PAK5: variants seen among roughly 807,000 people sequenced by gnomAD.
The protein encoded by PAK5 is serine/threonine-protein kinase PAK 5.
PAK5 carries 16 observed loss-of-function variants against 65.9 expected under a neutral mutation model. That is an observed-to-expected ratio of 0.24 (90% CI 0.16 to 0.37). The LOEUF (loss-of-function observed/expected upper bound fraction) is 0.37. PAK5 is among the 10% of genes least tolerant of loss of function. The pLI, the probability that PAK5 is intolerant of heterozygous loss-of-function variation, is 1.00. For missense variants in PAK5, 785 were observed against 903.9 expected (o/e 0.87, Z 1.69); for synonymous variants, 371 against 354.9 (o/e 1.05, Z -0.51).
intron 2 of PAK5, among the ~76,000 whole-genome samples, chr20:9,706,074 T>C (rs1308988690): frequency 1.3e-5 from 2 of 152,144 alleles, no homozygotes; most frequent in Non-Finnish European, 2.9e-5. Flanking sequence ...AATCCATGAA[T>C]TGAAAATTAC....
chr20:9,769,886 A>G (rs1161202270), intron 1 of PAK5, among the ~76,000 whole-genome samples: 1 of 152,234 alleles, frequency 6.6e-6, no homozygotes, highest in African/African-American at 2.4e-5. Flanking sequence ...TTTAAAAACT[A>G]AATATGGTAC....
At chr20:9,768,697 C>T (rs1041100812) in intron 1 of PAK5, among the ~76,000 whole-genome samples, 1 of 148,686 alleles carries the variant, frequency 6.7e-6, no homozygotes, top group Non-Finnish European at 1.5e-5. Context: ...GCAAGAGAAT[C>T]GCTTGAATCC....
At chr20:9,695,175 C>G (rs1353282834) in intron 2 of PAK5, among the ~76,000 whole-genome samples, 1 of 152,036 alleles carries the variant, frequency 6.6e-6, no homozygotes, top group Non-Finnish European at 1.5e-5. Context: ...TAGATATCCT[C>G]TTTTGTGAAA....
intron 3 of PAK5, among the ~76,000 whole-genome samples, chr20:9,618,915 GTTTTTTTTTT>G (rs150725498): frequency 2.1e-4 from 4 of 18,816 alleles, no homozygotes; most frequent in South Asian, 1.9e-3. Flanking sequence ...TCTTTCTTTC[GTTTTTTTTTT>G]TTTTTTTTTT....
intron 2 of PAK5, among the ~76,000 whole-genome samples, chr20:9,671,401 C>T (rs1309127954): frequency 6.6e-6 from 1 of 152,100 alleles, no homozygotes; most frequent in Non-Finnish European, 1.5e-5. Flanking sequence ...TCTTCCTACC[C>T]ATGAGCATAG....
intron 2 of PAK5, among the ~76,000 whole-genome samples, chr20:9,683,941 G>C (rs74667090): frequency 6.6e-6 from 1 of 152,260 alleles, no homozygotes; most frequent in African/African-American, 2.4e-5. Flanking sequence ...AAATTCCCCT[G>C]ACTGATCTTA....
chr20:9,742,154 A>G (rs2048457310), intron 1 of PAK5, among the ~76,000 whole-genome samples: 1 of 152,136 alleles, frequency 6.6e-6, no homozygotes, highest in South Asian at 2.1e-4. Context: ...AGAAGATTCA[A>G]ATAAGGATCC....
intron 3 of PAK5, among the ~76,000 whole-genome samples, chr20:9,615,582 A>G (rs1357754058): frequency 2.6e-5 from 4 of 152,264 alleles, no homozygotes; most frequent in African/African-American, 4.8e-5. Flanking sequence ...TTGACTTAGA[A>G]TAAGTCCTTC....
chr20:9,607,717 T>A (rs971400445), intron 3 of PAK5, among the ~76,000 whole-genome samples: 1 of 151,976 alleles, frequency 6.6e-6, no homozygotes, highest in Non-Finnish European at 1.5e-5. Flanking sequence ...TCCCAGCTAC[T>A]CCGGAGGCTA....
In PAK5 at chr20:9,838,535, T is replaced by C. The variant is rs1389252909; in HGVS notation, c.-162+227A>G. Among the ~76,000 whole-genome samples the C allele has an allele frequency of 2.6e-5, 4 of 152,242 alleles. No homozygotes were observed. Among genetic ancestry groups the C allele is most frequent in the Admixed American group, 2.6e-4 (4 of 15,300 alleles). ...TTGGTAGAGAGCCCAGGCTGGATAGTAGCGCATGGGTTGAGGGTGGGCGGT... is the reference window on the plus strand; with the variant it reads ...TTGGTAGAGAGCCCAGGCTGGATAGCAGCGCATGGGTTGAGGGTGGGCGGT... On this transcript the variant is annotated intron_variant, in intron 1 of 9. Coordinates refer to ENST00000353224, the MANE Select transcript of PAK5 (RefSeq NM_177990.4). This position sits in a 1 kb window ranked among gnomAD's most constrained non-coding sequence, Gnocchi z 4.5.
intron 3 of PAK5, among the ~76,000 whole-genome samples, chr20:9,591,445 A>G (rs2046169272): frequency 1.3e-5 from 2 of 152,148 alleles, no homozygotes; most frequent in East Asian, 3.9e-4. Flanking sequence ...AGAATATAAA[A>G]TATTTCCAGA....
chr20:9,681,399 G>T (rs186186339), intron 2 of PAK5, among the ~76,000 whole-genome samples: 2 of 151,974 alleles, frequency 1.3e-5, no homozygotes, highest in East Asian at 3.9e-4. Flanking sequence ...TAATATAGAC[G>T]GGTTAAAATA....
At chr20:9,671,564 G>T (rs1428542444) in intron 2 of PAK5, among the ~76,000 whole-genome samples, 1 of 151,690 alleles carries the variant, frequency 6.6e-6, no homozygotes, top group African/African-American at 2.4e-5. Flanking sequence ...CTCAGGATTT[G>T]GCTCTCTGTT....
Position 9,699,079 on chromosome 20 carries a change from G to A in PAK5, c.-12+12207C>T, listed in dbSNP as rs969775052. Among the ~76,000 whole-genome samples, 42 of 152,072 alleles carry A rather than the reference G, an allele frequency of 2.8e-4. 1 individual carries two copies. The highest frequency in any genetic ancestry group is 1.3e-4 in the Admixed American group (2 of 15,256). On this transcript the variant is annotated intron_variant, in intron 2 of 9. Transcript: ENST00000353224. ...AATTAGGAACAAATCCTTAAAGAAC[G>A]GTCACAATGCCCTCCTCTGCATCCC...
At chr20:9,747,393 C>T (rs6039565) in intron 1 of PAK5, among the ~76,000 whole-genome samples, 32,487 of 149,196 alleles carry the variant, frequency 0.22, 3,886 homozygotes, top group East Asian at 0.3. Flanking sequence ...AAAAGAGAAT[C>T]TTAGACCAAT....
At position 9,620,867 on chromosome 20, in the gene PAK5, A is replaced by G. The variant is rs561014532; in HGVS notation, c.204+23258T>C. ...GTCTTCCTCTAATCATGGGACTACTACCACACAGAGAAAGAAAATAGCCAG... is the reference window on the plus strand; with the variant it reads ...GTCTTCCTCTAATCATGGGACTACTGCCACACAGAGAAAGAAAATAGCCAG... On this transcript the variant is annotated intron_variant, in intron 3 of 9. Coordinates refer to ENST00000353224, the MANE Select transcript of PAK5 (RefSeq NM_177990.4). Among the ~76,000 whole-genome samples the G allele has an allele frequency of 1.1e-4, 17 of 152,048 alleles. No homozygotes were observed. The South Asian group carries it at 2.7e-3, about 24-fold the overall frequency.
intron 1 of PAK5, among the ~76,000 whole-genome samples, chr20:9,750,315 A>G (rs73895978): frequency 0.043 from 6,508 of 152,250 alleles, 369 homozygotes; most frequent in African/African-American, 0.13. Context: ...TTAAACAGAC[A>G]GCATGAAGCA....
At chr20:9,558,972 T>G (rs2045553973) in intron 6 of PAK5, among the ~76,000 whole-genome samples, 4 of 152,162 alleles carry the variant, frequency 2.6e-5, no homozygotes, top group Admixed American at 2.6e-4. Context: ...CCCACCTCTT[T>G]TTTAGTCCAG....
intron 3 of PAK5, among the ~76,000 whole-genome samples, chr20:9,614,780 A>C (rs1297680712): frequency 6.6e-6 from 1 of 152,234 alleles, no homozygotes; most frequent in Non-Finnish European, 1.5e-5. Flanking sequence ...ACAAACAAAA[A>C]TTCAGGGAAT....
Sources: gnomAD v4.1 joint callset for allele counts (sites outside exome capture counted in the v4.1 genomes callset) on GRCh38, gnomAD v4.1.1 for gene constraint, Gnocchi (gnomAD v3.1) non-coding constraint, MANE v1.5 for transcripts, NCBI Gene and HGNC (gene_info 2026-07-23, HGNC 2026-07-21) for gene names.